MTHFD1: variants seen among roughly 807,000 people sequenced by gnomAD.
MTHFD1 encodes methylenetetrahydrofolate dehydrogenase, cyclohydrolase and formyltetrahydrofolate synthetase 1.
Under a neutral mutation model 110.3 loss-of-function variants are expected in MTHFD1, and 44 were observed. That is an observed-to-expected ratio of 0.40 (90% CI 0.31 to 0.51). MTHFD1 has a LOEUF of 0.51. Ranked by LOEUF, MTHFD1 falls within the 20% of genes least tolerant of loss-of-function variation. The probability of loss-of-function intolerance (pLI) is 0.60; values close to 1 mark genes in which losing one functional copy is unlikely to be tolerated. For missense variants in MTHFD1, 909 were observed against 1,173.1 expected (o/e 0.77, Z 3.29); for synonymous variants, 402 against 428.8 (o/e 0.94, Z 0.77).
intron 1 of MTHFD1, among the ~76,000 whole-genome samples, chr14:64,400,412 G>T (rs934474540): frequency 6.6e-6 from 1 of 151,970 alleles, no homozygotes; most frequent in Non-Finnish European, 1.5e-5. Context: ...AATACAGGCC[G>T]GGTGCAGTGG....
chr14:64,456,725 T>C (rs916725947), intron 26 of MTHFD1, among the ~76,000 whole-genome samples: 2 of 152,204 alleles, frequency 1.3e-5, no homozygotes, highest in Non-Finnish European at 2.9e-5. Flanking sequence ...TTACACAATA[T>C]AAGAATATAA....
chr14:64,423,000 C>G (rs1418275450), intron 8 of MTHFD1: 1 of 152,124 alleles, frequency 6.6e-6, no homozygotes, highest in Non-Finnish European at 1.5e-5. Context: ...ACGAAAATGA[C>G]TAACATTAAC....
chr14:64,453,785 C>T lies in MTHFD1; in HGVS notation c.2489C>T (p.Ala830Val), dbSNP rs958979720. 14 of 1,612,020 alleles carry T rather than the reference C, an allele frequency of 8.7e-6. No homozygotes were observed. Among genetic ancestry groups the T allele is most frequent in the Middle Eastern group, 1.6e-4 (1 of 6,070 alleles). Reference sequence around the variant, plus strand: ...GTTGAGGATAAAATCAGGATCATTGCACAGAAGATCTATGGAGCAGATGAC... The same window carrying T: ...GTTGAGGATAAAATCAGGATCATTGTACAGAAGATCTATGGAGCAGATGAC... The part of the protein sequence containing the change: ...LPVEDKIRII[A>V]QKIYGADDIE... The change falls in exon 25 of 28, where the codon GCA becomes GTA. Residue 830 changes from alanine (A) to valine (V), a missense_variant. Transcript: ENST00000652337.
rs149899012 is a variant in MTHFD1 at position 64,449,480 on chromosome 14, G to A, written c.2315G>A (p.Arg772His). The change falls in exon 24 of 28, where the codon CGC (arginine) becomes CAC (histidine). Residue 772 changes from arginine (R) to histidine (H), a missense_variant. This residue lies in a region of MTHFD1 where 482 missense variants were observed against 646.0 expected (regional missense o/e 0.75). Transcript: ENST00000652337. ...GAGTCTGAGCTGGACCTCATCAGCC[G>A]CCTTTCCAGAGAACATGGGGCTTTT... ...DTESELDLIS[R>H]LSREHGAFDA... is the part of the protein sequence containing the mutation. 2,038 of 1,613,902 alleles carry A rather than the reference G, an allele frequency of 1.3e-3. 22 individuals carry two copies. The African/African-American group carries it at 0.024, about 19-fold the overall frequency.
rs371250453 is a variant in MTHFD1, at chr14:64,427,367, A to C, written c.1158A>C (p.Lys386Asn). 6.2e-7 allele frequency: 1 copy of C among 1,614,210 alleles called. No individual in the cohort carries two copies. The highest frequency in any genetic ancestry group is 1.3e-5 in the African/African-American group (1 of 75,054). ...GITPTPLGEG[K>N]STTTIGLVQA... ...CTCCAACACCCCTGGGAGAAGGGAA[A>C]AGCACAACTACAATCGGGCTAGTGC... is the stretch of plus-strand genomic sequence containing the variant. The change falls in exon 12 of 28, where the codon AAA becomes AAC. Residue 386 changes from lysine to asparagine, a missense_variant. Transcript: ENST00000652337.
At chr14:64,415,326 GATATACAAATT>G in intron 4 of MTHFD1, 21 bp from the exon 5 acceptor site, 1 of 1,582,208 alleles carries the variant, frequency 6.3e-7, no homozygotes, top group Non-Finnish European at 8.7e-7. Context: ...ATTTCTGTGT[GATATACAAATT>G]ATATATGGTA....
chr14:64,410,864 T>C (rs1205333754), intron 2 of MTHFD1, among the ~76,000 whole-genome samples: 3 of 152,158 alleles, frequency 2.0e-5, no homozygotes, highest in Non-Finnish European at 4.4e-5. Flanking sequence ...TGTTTGGGGT[T>C]TGGCAGTGGG....
chr14:64,424,739 G>C, intron 8 of MTHFD1, 65 bp from the exon 9 acceptor site: 1 of 1,590,374 alleles, frequency 6.3e-7, no homozygotes. Context: ...CTGAGTTTTT[G>C]TCGTAACTGA....
chr14:64,396,389 G>GTT (rs10719061), intron 1 of MTHFD1, among the ~76,000 whole-genome samples: 3 of 74,828 alleles, frequency 4.0e-5, no homozygotes, highest in East Asian at 2.8e-4. Flanking sequence ...TTTTTTGAAG[G>GTT]TTTTTTTTTT....
chr14:64,435,953 A>G (rs1430009148), intron 16 of MTHFD1, among the ~76,000 whole-genome samples: 1 of 152,244 alleles, frequency 6.6e-6, no homozygotes, highest in African/African-American at 2.4e-5. Context: ...ACATTTTACA[A>G]ATTTAATTTT....
intron 4 of MTHFD1, among the ~76,000 whole-genome samples, chr14:64,413,317 A>T (rs2077999594): frequency 6.6e-6 from 1 of 152,088 alleles, no homozygotes; most frequent in African/African-American, 2.4e-5. Flanking sequence ...GTACCATTGC[A>T]CTCCAACCTG....
At position 64,421,622 on chromosome 14, in the gene MTHFD1, TA is replaced by T. The variant is rs1421353983; in HGVS notation, c.727+1699del. Among the ~76,000 whole-genome samples the T allele has an allele frequency of 5.1e-5, 7 of 136,766 alleles. No individual in the cohort carries two copies. The East Asian group carries it at 1.7e-3, about 32-fold the overall frequency. 89.7% of individuals were successfully genotyped at this position (136,766 alleles called of 152,430 possible). ...CAGTCTTTTTATTTATTTATTTTTT[TA>T]ATTTTTTTTTTTTTTCTTGAGACGG... On this transcript the variant is annotated intron_variant, in intron 8 of 27. Coordinates refer to ENST00000652337, the MANE Select transcript of MTHFD1 (RefSeq NM_005956.4).
At chr14:64,401,773 T>G (rs2077899469) in intron 2 of MTHFD1, among the ~76,000 whole-genome samples, 1 of 152,128 alleles carries the variant, frequency 6.6e-6, no homozygotes, top group Non-Finnish European at 1.5e-5. Flanking sequence ...AGTGAGCTCA[T>G]TTATTATATG....
At chr14:64,439,802 G>A (rs533620435) in intron 17 of MTHFD1, among the ~76,000 whole-genome samples, 5 of 145,882 alleles carry the variant, frequency 3.4e-5, no homozygotes, top group Non-Finnish European at 5.9e-5. Context: ...GCTGAGGCGC[G>A]AAAATTGCCT....
intron 1 of MTHFD1, 167 bp downstream of exon 1, chr14:64,388,635 C>G: frequency 2.8e-6 from 2 of 719,116 alleles, no homozygotes; most frequent in East Asian, 5.4e-5. Context: ...GCACAACCTG[C>G]GTTTGCAAGT....
In MTHFD1 at chr14:64,440,269, G is replaced by A. The variant is rs565049892; in HGVS notation, c.1815+3G>A. ...AGCCCGTCAGTGCCGAAGATCTGGTGGGTACCCAGACACGCCAGGCTTGGC... is the reference window on the plus strand; with the variant it reads ...AGCCCGTCAGTGCCGAAGATCTGGTAGGTACCCAGACACGCCAGGCTTGGC... On this transcript the variant is annotated splice_donor_region_variant and intron_variant, in intron 18 of 27. Coordinates refer to ENST00000652337, the MANE Select transcript of MTHFD1 (RefSeq NM_005956.4). 34 of 1,614,170 alleles carry A rather than the reference G, an allele frequency of 2.1e-5. No individual in the cohort carries two copies. The highest frequency in any genetic ancestry group is 2.8e-5 in the Non-Finnish European group (33 of 1,180,026).
At chr14:64,444,578 C>A in intron 21 of MTHFD1, 115 bp from the exon 22 acceptor site, 1 of 1,139,582 alleles carries the variant, frequency 8.8e-7, no homozygotes, top group Non-Finnish European at 1.3e-6. Context: ...TAATCTTATA[C>A]TACTGTACAG....
intron 15 of MTHFD1, 73 bp from the exon 16 acceptor site, chr14:64,435,496 T>A: frequency 2.1e-6 from 2 of 958,842 alleles, no homozygotes. Context: ...GAGGTAGGGG[T>A]CAAAATTTTT....
intron 16 of MTHFD1, among the ~76,000 whole-genome samples, chr14:64,436,383 C>T (rs1268749455): frequency 4.6e-5 from 7 of 152,160 alleles, no homozygotes; most frequent in Non-Finnish European, 8.8e-5. Context: ...CATGAGCCAC[C>T]GCACCCGGCC....
Sources: allele counts gnomAD v4.1 joint callset (sites outside exome capture counted in the v4.1 genomes callset), GRCh38; gene constraint gnomAD v4.1.1; regional missense constraint gnomAD v4.1.1; transcripts MANE v1.5; gene names NCBI Gene and HGNC (gene_info 2026-07-23, HGNC 2026-07-21).